PDK1: variants seen among roughly 807,000 people sequenced by gnomAD.
PDK1 encodes the protein [Pyruvate dehydrogenase (acetyl-transferring)] kinase isozyme 1, mitochondrial.
A neutral mutation model predicts 54.2 loss-of-function variants in PDK1; 39 were observed. The ratio of observed to expected loss-of-function variants is 0.72; its 90% CI spans 0.56 to 0.94. The LOEUF is 0.94. Among genes scored for constraint, PDK1 ranks in the 40% least tolerant of loss-of-function variants. PDK1 has a pLI of 0.00. For missense variants in PDK1, 552 were observed against 566.0 expected (o/e 0.98, Z 0.25); for synonymous variants, 221 against 207.1 (o/e 1.07, Z -0.58).
the PDK1 span, among the ~76,000 whole-genome samples, chr2:172,679,872 T>G: frequency 0.053 from 8,107 of 152,168 alleles, 413 homozygotes; most frequent in East Asian, 0.22. Flanking sequence ...GGTTTTGGGT[T>G]TTTTTTAGCC....
the PDK1 span, chr2:172,674,886 C>G: frequency 9.2e-5 from 14 of 152,262 alleles, no homozygotes; most frequent in African/African-American, 3.4e-4. Context: ...CTTGCGGGGA[C>G]AGCAGGCGGG....
chr2:172,589,366 C>T (rs1690443196), intron 9 of PDK1, among the ~76,000 whole-genome samples: 1 of 152,206 alleles, frequency 6.6e-6, no homozygotes, highest in Admixed American at 6.5e-5. Context: ...AAGCTATCAC[C>T]ACCTTGGATC....
At chr2:172,628,679 C>T in the PDK1 span, among the ~76,000 whole-genome samples, 1 of 152,184 alleles carries the variant, frequency 6.6e-6, no homozygotes, top group African/African-American at 2.4e-5. Context: ...TCACCTAATA[C>T]TAGATTTCCC....
chr2:172,569,896 C>T (rs920236093), intron 7 of PDK1, among the ~76,000 whole-genome samples: 1 of 152,112 alleles, frequency 6.6e-6, no homozygotes, highest in African/African-American at 2.4e-5. Flanking sequence ...AGCATTAACA[C>T]GAATTTTTTC....
rs1465099809 is a variant in PDK1 at position 172,564,781 on chromosome 2, T to C, written c.595+94T>C. 3.4e-6 allele frequency: 4 copies of C among 1,182,664 alleles called. No individual in the cohort carries two copies. The African/African-American group carries it at 6.2e-5, about 18-fold the overall frequency. The allele number at this position is 1,182,664 out of a possible 1,614,324, so 73.3% of individuals were successfully genotyped here. On this transcript the variant is annotated intron_variant, in intron 4 of 10. Coordinates refer to ENST00000282077, the MANE Select transcript of PDK1 (RefSeq NM_002610.5). ...GGAAAGTTCCATTTAGGTAGGAAAT[T>C]TAGTTTTACCTTTTGGCTAATTAAG... is the stretch of plus-strand genomic sequence containing the variant.
chr2:172,555,972 C>T, upstream of PDK1: 1 of 424,954 alleles, frequency 2.4e-6, no homozygotes, highest in Non-Finnish European at 4.0e-6. Flanking sequence ...TCCCCGCCTC[C>T]TTCCCGCTCC....
intron 8 of PDK1, among the ~76,000 whole-genome samples, chr2:172,582,518 A>T (rs917239849): frequency 6.6e-6 from 1 of 152,224 alleles, no homozygotes; most frequent in African/African-American, 2.4e-5. Flanking sequence ...TTTAAAAATA[A>T]TTGGCAAACT....
chr2:172,564,495 T>G lies in PDK1; in HGVS notation c.411-8T>G. 6.2e-7 allele frequency: 1 copy of G among 1,602,466 alleles called. No individual in the cohort carries two copies. Among genetic ancestry groups the G allele is most frequent in the South Asian group, 1.1e-5 (1 of 90,326 alleles). ...TATTTGGCTGTTTTGACAGATGGGT[T>G]TGTTTAGCTTTACAGATACTGTGAT... On this transcript the variant is annotated splice_polypyrimidine_tract_variant and splice_region_variant and intron_variant, in intron 3 of 10. Coordinates refer to ENST00000282077, the MANE Select transcript of PDK1 (RefSeq NM_002610.5).
At chr2:172,558,983 C>A (rs1054284033) in intron 2 of PDK1, 134 bp downstream of exon 2, 4 of 918,720 alleles carry the variant, frequency 4.4e-6, no homozygotes, top group African/African-American at 1.7e-5. Context: ...GAGTCTTGCT[C>A]TGTCGCCCAG....
the PDK1 span, among the ~76,000 whole-genome samples, chr2:172,627,710 T>A: frequency 6.6e-6 from 1 of 152,138 alleles, no homozygotes; most frequent in Non-Finnish European, 1.5e-5. Context: ...AATAAGCAAC[T>A]TGATACGCAA....
rs1039268625 is a variant in PDK1 at position 172,607,834 on chromosome 2, C to T, written c.*11865C>T. On this transcript the variant is annotated 3_prime_UTR_variant, in exon 11 of 11. Coordinates refer to ENST00000282077, the MANE Select transcript of PDK1 (RefSeq NM_002610.5). The stretch of plus-strand genomic sequence containing the variant: ...TAGTGTTGATAACTGGCATCTGGAA[C>T]CTACAGTTTCCAGTTCAGAGCAGTA... The T allele has an allele frequency of 6.6e-6, 1 of 152,202 alleles. No homozygotes were observed. Among genetic ancestry groups the T allele is most frequent in the Non-Finnish European group, 1.5e-5 (1 of 68,090 alleles). 9.4% of individuals were successfully genotyped at this position (152,202 alleles called of 1,614,324 possible).
chr2:172,612,499 T>C (rs1240137371), downstream of PDK1, among the ~76,000 whole-genome samples: 2 of 151,958 alleles, frequency 1.3e-5, no homozygotes, highest in African/African-American at 4.8e-5. Flanking sequence ...ATTTTCAAGC[T>C]AAGCATAAAT....
intron 9 of PDK1, among the ~76,000 whole-genome samples, chr2:172,590,343 C>T (rs952911207): frequency 2.0e-5 from 3 of 152,114 alleles, no homozygotes; most frequent in South Asian, 2.1e-4. Flanking sequence ...AATGAAGCTG[C>T]GGACCCTCAT....
chr2:172,571,464 A>G (rs571250985), intron 8 of PDK1, among the ~76,000 whole-genome samples: 1 of 152,298 alleles, frequency 6.6e-6, no homozygotes, highest in African/African-American at 2.4e-5. Context: ...CCTGGGCTCA[A>G]GCAATCCTCC....
the PDK1 span, among the ~76,000 whole-genome samples, chr2:172,718,741 T>C: frequency 1.3e-5 from 2 of 152,194 alleles, no homozygotes; most frequent in African/African-American, 4.8e-5. Context: ...ATAAGCATCA[T>C]CTTCTTGTAA....
intron 8 of PDK1, among the ~76,000 whole-genome samples, chr2:172,573,570 CAT>C (rs888081717): frequency 2.3e-4 from 34 of 149,850 alleles, no homozygotes; most frequent in African/African-American, 5.4e-4. Context: ...CGCATATATA[CAT>C]ATATGTGTGT....
Position 172,605,392 on chromosome 2 carries a change from T to TG in PDK1, c.*9425dup, listed in dbSNP as rs1553487501. On this transcript the variant is annotated 3_prime_UTR_variant, in exon 11 of 11. Coordinates refer to ENST00000282077, the MANE Select transcript of PDK1 (RefSeq NM_002610.5). ...AATTTTTTTTTTTTTTTTTTTTTTT[T>TG]GGAAGCAGAGTCTTGCTCTTTTGCC... The TG allele has an allele frequency of 8.1e-5, 12 of 147,744 alleles. No homozygotes were observed. Among genetic ancestry groups the TG allele is most frequent in the Non-Finnish European group, 1.3e-4 (9 of 67,636 alleles). The allele number at this position is 147,744 out of a possible 1,614,324, so 9.2% of individuals were successfully genotyped here. A position where few individuals can be genotyped will look rare whatever the true frequency, so the allele number is the denominator to read the frequency against.
intron 8 of PDK1, among the ~76,000 whole-genome samples, chr2:172,585,684 G>T (rs1280420745): frequency 6.6e-6 from 1 of 151,972 alleles, no homozygotes; most frequent in Non-Finnish European, 1.5e-5. Context: ...TACAAGATAG[G>T]GTTAACTTGT....
chr2:172,593,561 T>C (rs1698390269), intron 10 of PDK1, among the ~76,000 whole-genome samples: 1 of 152,248 alleles, frequency 6.6e-6, no homozygotes, highest in Non-Finnish European at 1.5e-5. Context: ...TATGTGACTT[T>C]CCTTCATGAG....
Sources: allele counts gnomAD v4.1 joint callset (sites outside exome capture counted in the v4.1 genomes callset), GRCh38; gene constraint gnomAD v4.1.1; transcripts MANE v1.5; gene names NCBI Gene and HGNC (gene_info 2026-07-23, HGNC 2026-07-21).